The following UIMC1 variants were observed in gnomAD, a reference collection of about 807,000 sequenced individuals.
UIMC1 encodes the protein BRCA1-A complex subunit RAP80.
A neutral mutation model predicts 84.9 loss-of-function variants in UIMC1; 42 were observed. The observed-to-expected ratio is 0.49, with a 90% confidence interval of 0.39 to 0.64. The LOEUF is 0.64. UIMC1 is among the 30% of genes least tolerant of loss of function. The pLI is 0.00. For synonymous variants in UIMC1, 281 were observed against 293.0 expected (o/e 0.96, Z 0.42); for missense variants, 825 against 847.6 (o/e 0.97, Z 0.33).
intron 1 of UIMC1, among the ~76,000 whole-genome samples, chr5:176,983,222 T>C (rs766723532): frequency 1.3e-5 from 2 of 152,074 alleles, no homozygotes; most frequent in Non-Finnish European, 2.9e-5. Flanking sequence ...ATTAAAAATA[T>C]AGCCCTCTCC....
chr5:176,950,588 G>C (rs1765742134), intron 9 of UIMC1, among the ~76,000 whole-genome samples: 1 of 151,792 alleles, frequency 6.6e-6, no homozygotes, highest in African/African-American at 2.4e-5. Flanking sequence ...ACATACTGAG[G>C]ACCGGGCGCG....
chr5:176,997,828 G>A (rs1773858769), intron 1 of UIMC1, among the ~76,000 whole-genome samples: 1 of 151,902 alleles, frequency 6.6e-6, no homozygotes, highest in Non-Finnish European at 1.5e-5. Context: ...CTCTCTCACA[G>A]TTCTTAAGCC....
intron 10 of UIMC1, among the ~76,000 whole-genome samples, chr5:176,932,662 CGTT>C (rs1763254825): frequency 6.6e-6 from 1 of 152,108 alleles, no homozygotes; most frequent in Non-Finnish European, 1.5e-5. Flanking sequence ...GTATTTCACT[CGTT>C]GGTTTCATTT....
At chr5:176,966,530 T>C (rs1768331178) in intron 6 of UIMC1, among the ~76,000 whole-genome samples, 1 of 152,044 alleles carries the variant, frequency 6.6e-6, no homozygotes, top group Non-Finnish European at 1.5e-5. Flanking sequence ...GTAACAGAAA[T>C]AGCAAGAAAA....
intron 1 of UIMC1, among the ~76,000 whole-genome samples, chr5:176,986,470 C>T (rs191732839): frequency 2.6e-4 from 39 of 147,656 alleles, no homozygotes; most frequent in African/African-American, 9.0e-4. Context: ...TTTGAGACTG[C>T]CATGAGCTAT....
intron 1 of UIMC1, among the ~76,000 whole-genome samples, chr5:176,997,433 C>G (rs1475484397): frequency 2.0e-5 from 3 of 152,112 alleles, no homozygotes; most frequent in Non-Finnish European, 1.5e-5. Context: ...CACCTGTAAT[C>G]CCGCACTCTG....
At chr5:176,942,215 G>A (rs1764523626) in intron 10 of UIMC1, among the ~76,000 whole-genome samples, 1 of 150,670 alleles carries the variant, frequency 6.6e-6, no homozygotes, top group African/African-American at 2.4e-5. Context: ...GGACATGAAT[G>A]TAAATTAGTG....
intron 2 of UIMC1, among the ~76,000 whole-genome samples, chr5:176,981,642 A>AG: frequency 6.6e-6 from 1 of 152,054 alleles, no homozygotes; most frequent in East Asian, 1.9e-4. Flanking sequence ...TACAAAAAAA[A>AG]ATACAAAAAT....
chr5:176,938,968 CA>C (rs1325522851), intron 10 of UIMC1, among the ~76,000 whole-genome samples: 1 of 150,330 alleles, frequency 6.7e-6, no homozygotes, highest in Non-Finnish European at 1.5e-5. Flanking sequence ...AAAAAAAGTG[CA>C]ATGCCAGGCA....
At chr5:176,922,462 A>C (rs1252940299) in intron 10 of UIMC1, among the ~76,000 whole-genome samples, 2 of 152,230 alleles carry the variant, frequency 1.3e-5, no homozygotes, top group Non-Finnish European at 2.9e-5. Context: ...TCTCACCAAA[A>C]GATTCTCAAG....
chr5:176,974,855 G>A (rs1466955524), intron 3 of UIMC1, among the ~76,000 whole-genome samples: 1 of 151,980 alleles, frequency 6.6e-6, no homozygotes, highest in Non-Finnish European at 1.5e-5. Context: ...AGATTTTGCT[G>A]CTCTGTAAGT....
intron 2 of UIMC1, among the ~76,000 whole-genome samples, chr5:176,978,905 A>G (rs964071925): frequency 1.3e-5 from 2 of 152,190 alleles, no homozygotes; most frequent in African/African-American, 4.8e-5. Flanking sequence ...GAAGTAAAAG[A>G]TGTGCTCTAT....
At chr5:176,919,574 C>A (rs1021990874) in intron 10 of UIMC1, among the ~76,000 whole-genome samples, 2 of 152,180 alleles carry the variant, frequency 1.3e-5, no homozygotes, top group Admixed American at 6.5e-5. Flanking sequence ...CTGCCTCAGC[C>A]TCCCAAGTAG....
At chr5:176,981,450 C>G (rs940780141) in intron 2 of UIMC1, among the ~76,000 whole-genome samples, 4 of 151,926 alleles carry the variant, frequency 2.6e-5, no homozygotes, top group Non-Finnish European at 5.9e-5. Context: ...GGCCAAGAAA[C>G]GTTTCTGAAA....
At chr5:176,921,642 C>A (rs192261162) in intron 10 of UIMC1, among the ~76,000 whole-genome samples, 65 of 152,272 alleles carry the variant, frequency 4.3e-4, no homozygotes, top group Non-Finnish European at 7.1e-4. Context: ...GTAGGTTCAA[C>A]CTTCAAAACA....
At chr5:176,951,413 C>T in intron 9 of UIMC1, 61 bp downstream of exon 9, 1 of 1,295,642 alleles carries the variant, frequency 7.7e-7, no homozygotes, top group Non-Finnish European at 1.0e-6. Flanking sequence ...AACGTTGCAT[C>T]AGAGAGAGGA....
At chr5:177,017,026 TAATGA>T (rs1423497328) in intron 1 of UIMC1, among the ~76,000 whole-genome samples, 2 of 151,990 alleles carry the variant, frequency 1.3e-5, no homozygotes, top group Admixed American at 1.3e-4. Flanking sequence ...TCTGTCAAAA[TAATGA>T]AATGAAATAT....
In UIMC1 at chr5:176,912,473, TG is replaced by T. The variant is rs1405824809; in HGVS notation, c.1598-1085del. The stretch of plus-strand genomic sequence containing the variant: ...TAATGATACAGTCTTGACTGTTTTT[TG>T]TTTTTTTTTTTTTTTGAGACATAGT... On this transcript the variant is annotated intron_variant, in intron 10 of 14. Coordinates refer to ENST00000511320, the MANE Select transcript of UIMC1 (RefSeq NM_001199298.2). 5.7e-4 allele frequency among the ~76,000 whole-genome samples: 40 copies of T among 70,588 alleles called. No individual in the cohort carries two copies. The East Asian group carries it at 5.7e-3, about 10-fold the overall frequency. 46.3% of individuals were successfully genotyped at this position (70,588 alleles called of 152,430 possible).
chr5:176,960,766 C>A lies in UIMC1; in HGVS notation c.1201-2612G>T, dbSNP rs1426368259. ...GCCTGATTCTCCTGCCTCAGCCTGC[C>A]GAGTGCCTGCGATTGCAGGCACGCG... On this transcript the variant is annotated intron_variant, in intron 6 of 14. Coordinates refer to ENST00000511320, the MANE Select transcript of UIMC1 (RefSeq NM_001199298.2). Among the ~76,000 whole-genome samples the A allele has an allele frequency of 8.3e-5, 5 of 60,228 alleles. 2 individuals are homozygous for A. Among genetic ancestry groups the A allele is most frequent in the Non-Finnish European group, 1.5e-4 (5 of 34,158 alleles). 39.5% of individuals were successfully genotyped at this position (60,228 alleles called of 152,430 possible).
Sources: allele counts gnomAD v4.1 joint callset (sites outside exome capture counted in the v4.1 genomes callset), GRCh38; gene constraint gnomAD v4.1.1; transcripts MANE v1.5; gene names NCBI Gene and HGNC (gene_info 2026-07-23, HGNC 2026-07-21).